Variants in ABR observed in about 807,000 individuals in gnomAD.
ABR encodes ABR activator of RhoGEF and GTPase.
A neutral mutation model predicts 107.2 loss-of-function variants in ABR; 35 were observed. That is an observed-to-expected ratio of 0.33 (90% CI 0.25 to 0.43). The LOEUF (loss-of-function observed/expected upper bound fraction) is 0.43, where lower values mean the gene tolerates loss of function less well. Ranked by LOEUF, ABR falls within the 20% of genes least tolerant of loss-of-function variation. ABR has a pLI of 1.00. For missense variants in ABR, 815 were observed against 1,115.2 expected, an observed-to-expected ratio of 0.73 and a Z score of 3.83; for synonymous variants, 498 against 462.0, an observed-to-expected ratio of 1.08 and a Z score of -1.00.
chr17:1,096,271 C>T (rs1472920001), intron 3 of ABR, among the ~76,000 whole-genome samples: 3 of 152,062 alleles, frequency 2.0e-5, no homozygotes, highest in African/African-American at 7.3e-5. Flanking sequence ...GTTTTAGGTA[C>T]ACACACCCAG....
rs142827966 is a variant in ABR at position 1,129,869 on chromosome 17, C to T, written c.62-4502G>A. Among the ~76,000 whole-genome samples the T allele has an allele frequency of 3.3e-5, 5 of 152,268 alleles. No homozygotes were observed. The East Asian group carries it at 9.7e-4, about 29-fold the overall frequency. On this transcript the variant is annotated intron_variant, in intron 1 of 22. Coordinates refer to ENST00000302538, the MANE Select transcript of ABR (RefSeq NM_021962.5). ...GGCTGAGGCAGGAGAACTGCTTGAACCCGGGAGGTGGGGGTTGTGATGAGC... is the reference window on the plus strand; with the variant it reads ...GGCTGAGGCAGGAGAACTGCTTGAATCCGGGAGGTGGGGGTTGTGATGAGC...
At chr17:1,064,747 G>C (rs2034506658) in intron 10 of ABR, among the ~76,000 whole-genome samples, 1 of 134,234 alleles carries the variant, frequency 7.4e-6, no homozygotes, top group Non-Finnish European at 1.6e-5. Flanking sequence ...TGTTCCTCTA[G>C]ACACTGTTGT....
intron 1 of ABR, among the ~76,000 whole-genome samples, chr17:1,167,728 C>T (rs1170932111): frequency 6.6e-6 from 1 of 152,236 alleles, no homozygotes; most frequent in African/African-American, 2.4e-5. Flanking sequence ...GTTAGCAAAG[C>T]AGAGAGGACA....
intron 1 of ABR, among the ~76,000 whole-genome samples, chr17:1,203,820 C>T (rs978589477): frequency 3.3e-5 from 5 of 152,134 alleles, no homozygotes; most frequent in Non-Finnish European, 5.9e-5. Flanking sequence ...GCGAGAGACC[C>T]GCCAGGGGGT....
chr17:1,078,892 G>C lies in ABR; in HGVS notation c.700+438C>G, dbSNP rs1478080209. 6.5e-7 allele frequency: 1 copy of C among 1,535,110 alleles called. No individual in the cohort carries two copies. The highest frequency in any genetic ancestry group is 2.0e-5 in the Admixed American group (1 of 50,964). On this transcript the variant is annotated intron_variant, in intron 6 of 22. Transcript: ENST00000302538. This position sits in a 1 kb window ranked among gnomAD's most constrained non-coding sequence, Gnocchi z 7.5. Reference sequence around the variant, plus strand: ...TCTGTCCCCGCGGCGGGAGCGTGCAGCCATCGCTCCAGGCTCCCCGGCGCC... The same window carrying C: ...TCTGTCCCCGCGGCGGGAGCGTGCACCCATCGCTCCAGGCTCCCCGGCGCC...
intron 1 of ABR, among the ~76,000 whole-genome samples, chr17:1,215,308 G>A (rs1223180157): frequency 6.6e-6 from 1 of 151,160 alleles, no homozygotes; most frequent in South Asian, 2.1e-4. Context: ...GGACTGTACT[G>A]CTGCCATCTC....
chr17:1,132,322 C>A (rs1003652351), intron 1 of ABR, among the ~76,000 whole-genome samples: 2 of 152,074 alleles, frequency 1.3e-5, no homozygotes, highest in Middle Eastern at 3.2e-3. Context: ...TGTGCCCTCT[C>A]CCAGGAACTT....
chr17:1,008,526 T>G (rs2070243854), intron 21 of ABR, among the ~76,000 whole-genome samples: 1 of 152,256 alleles, frequency 6.6e-6, no homozygotes, highest in African/African-American at 2.4e-5. Context: ...GAATGAATTT[T>G]CCCTTCCCAC....
At chr17:1,161,437 G>A (rs1456944784) in intron 1 of ABR, among the ~76,000 whole-genome samples, 1 of 151,852 alleles carries the variant, frequency 6.6e-6, no homozygotes, top group Non-Finnish European at 1.5e-5. Context: ...GTAGAGACAG[G>A]GTCTTGATAT....
intron 2 of ABR, among the ~76,000 whole-genome samples, chr17:1,102,403 C>G (rs1355877238): frequency 6.6e-6 from 1 of 152,090 alleles, no homozygotes; most frequent in Non-Finnish European, 1.5e-5. Flanking sequence ...TGCAGAGAGC[C>G]TTTGGAAGCT....
intron 16 of ABR, among the ~76,000 whole-genome samples, chr17:1,032,622 G>A (rs2072898058): frequency 1.2e-5 from 1 of 82,514 alleles, no homozygotes; most frequent in Non-Finnish European, 2.9e-5. Context: ...GCTGGGCGCA[G>A]AGGACGCCAC....
chr17:1,216,676 G>C (rs11652627), intron 1 of ABR, among the ~76,000 whole-genome samples: 59,654 of 152,038 alleles, frequency 0.39, 12,808 homozygotes, highest in Non-Finnish European at 0.49. Context: ...GCCTGGGGCC[G>C]GCCACGTGCC....
rs1052185039 is a variant in ABR, at chr17:1,084,885, C to T, written c.532-1258G>A. Reference sequence around the variant, plus strand: ...GTACAGTGGTGCGATCTCGGCTCACCGCAACCTCCCGGATTCAAGGGATTC... The same window carrying T: ...GTACAGTGGTGCGATCTCGGCTCACTGCAACCTCCCGGATTCAAGGGATTC... On this transcript the variant is annotated intron_variant, in intron 4 of 22. Transcript: ENST00000302538. This position sits in a 1 kb window ranked among gnomAD's most constrained non-coding sequence, Gnocchi z 4.2. Among the ~76,000 whole-genome samples, 1 of 151,638 alleles carries T rather than the reference C, an allele frequency of 6.6e-6. No homozygotes were observed. Among genetic ancestry groups the T allele is most frequent in the Non-Finnish European group, 1.5e-5 (1 of 67,984 alleles).
chr17:1,125,486 GC>G, intron 1 of ABR, 119 bp from the exon 2 acceptor site: 2 of 1,163,284 alleles, frequency 1.7e-6, no homozygotes, highest in Non-Finnish European at 2.4e-6. Flanking sequence ...CACCATCCAC[GC>G]CTGGCCCGGG....
At chr17:1,130,062 G>A (rs1042610810) in intron 1 of ABR, among the ~76,000 whole-genome samples, 4 of 152,208 alleles carry the variant, frequency 2.6e-5, no homozygotes, top group Non-Finnish European at 4.4e-5. Flanking sequence ...CACTGGGAAC[G>A]TTAGACAGCA....
intron 16 of ABR, among the ~76,000 whole-genome samples, chr17:1,021,547 T>C (rs1197807545): frequency 1.3e-5 from 2 of 152,254 alleles, no homozygotes; most frequent in African/African-American, 2.4e-5. Context: ...GGCTCACGCC[T>C]GTCATCCCAG....
Position 1,011,148 on chromosome 17 carries a change from G to A in ABR, c.2102-285C>T. The A allele has an allele frequency of 2.3e-6, 1 of 436,302 alleles. No individual in the cohort carries two copies. The highest frequency in any genetic ancestry group is 2.5e-5 in the South Asian group (1 of 39,370). 27.0% of individuals were successfully genotyped at this position (436,302 alleles called of 1,614,324 possible). A position where few individuals can be genotyped will look rare whatever the true frequency, so the allele number is the denominator to read the frequency against. ...GAGTTCAGAGCCACATTCATACCATGTGGCCTGCAGCTTCCTTCCGACTGG... is the reference window on the plus strand; with the variant it reads ...GAGTTCAGAGCCACATTCATACCATATGGCCTGCAGCTTCCTTCCGACTGG... On this transcript the variant is annotated intron_variant, in intron 19 of 22. Coordinates refer to ENST00000302538, the MANE Select transcript of ABR (RefSeq NM_021962.5). The surrounding 1 kb of genome is among the most constrained non-coding windows in gnomAD (Gnocchi z 4.8).
rs2038855308 is a variant in ABR, at chr17:1,113,875, C to T, written c.246+11308G>A. On this transcript the variant is annotated intron_variant, in intron 2 of 22. Transcript: ENST00000302538. ...TTCCTTATTTGTGTCCACGAATAAA[C>T]TATACATATAGGCCGGGTGCAGTGG... is the stretch of plus-strand genomic sequence containing the variant. Among the ~76,000 whole-genome samples, 3 of 152,192 alleles carry T rather than the reference C, an allele frequency of 2.0e-5. No individual in the cohort carries two copies. The South Asian group carries it at 6.2e-4, about 31-fold the overall frequency.
chr17:1,004,272 G>A lies in ABR; in HGVS notation c.*1808C>T, dbSNP rs2069858662. 6.6e-6 allele frequency: 1 copy of A among 152,424 alleles called. No individual in the cohort carries two copies. The highest frequency in any genetic ancestry group is 6.5e-5 in the Admixed American group (1 of 15,290). The allele number at this position is 152,424 out of a possible 1,614,324, so 9.4% of individuals were successfully genotyped here. On this transcript the variant is annotated 3_prime_UTR_variant, in exon 23 of 23. Transcript: ENST00000302538. Reference sequence around the variant, plus strand: ...AGGGCTCCTTGCTAAGCTGCTCACAGGCAGCCGATGGTCAGTACTTCCTTC... The same window carrying A: ...AGGGCTCCTTGCTAAGCTGCTCACAAGCAGCCGATGGTCAGTACTTCCTTC...
Sources: gnomAD v4.1 joint callset for allele counts (sites outside exome capture counted in the v4.1 genomes callset) on GRCh38, gnomAD v4.1.1 for gene constraint, Gnocchi (gnomAD v3.1) non-coding constraint, MANE v1.5 for transcripts, NCBI Gene and HGNC (gene_info 2026-07-23, HGNC 2026-07-21) for gene names.